Variants in SH3D19 observed in about 807,000 individuals in gnomAD.
SH3D19 encodes the protein SH3 domain-containing protein 19.
In SH3D19, 58 loss-of-function variants were observed where a neutral mutation model predicts 112.1. That is an observed-to-expected ratio of 0.52 (90% CI 0.42 to 0.64). SH3D19 has a LOEUF of 0.64. Ranked by LOEUF, SH3D19 falls within the 30% of genes least tolerant of loss-of-function variation. The pLI is 0.00. For missense variants in SH3D19, 1,090 were observed against 1,263.4 expected, an observed-to-expected ratio of 0.86 and a Z score of 2.08; for synonymous variants, 391 against 448.5, an observed-to-expected ratio of 0.87 and a Z score of 1.62.
At chr4:151,125,863 A>G (rs888050558) in intron 19 of SH3D19, among the ~76,000 whole-genome samples, 2 of 151,160 alleles carry the variant, frequency 1.3e-5, no homozygotes, top group African/African-American at 2.4e-5. Context: ...AAAAAAAAAA[A>G]AAAGAAAGGA....
At chr4:151,160,306 C>T (rs566520790) in intron 8 of SH3D19, among the ~76,000 whole-genome samples, 121 of 152,184 alleles carry the variant, frequency 8.0e-4, no homozygotes, top group African/African-American at 2.5e-3. Flanking sequence ...CCAGGATGGT[C>T]TCGATCTCCT....
At position 151,268,539 on chromosome 4, in the gene SH3D19, C is replaced by T. The variant is rs1772987148; in HGVS notation, c.113-42453G>A. On this transcript the variant is annotated intron_variant, in intron 1 of 19. Transcript: ENST00000604030. ...ATGTGCCATGCTGGTGTGCTGCACC[C>T]ATTAACTCGTCATTTAGCATTAGGT... Among the ~76,000 whole-genome samples, 5 of 149,952 alleles carry T rather than the reference C, an allele frequency of 3.3e-5. No homozygotes were observed. The Admixed American group carries it at 3.3e-4, about 10-fold the overall frequency.
intron 1 of SH3D19, chr4:151,282,493 T>C (rs763186329): frequency 2.8e-6 from 4 of 1,436,494 alleles, no homozygotes; most frequent in Non-Finnish European, 3.8e-6. Context: ...GGCATATCCT[T>C]ACCATGGAAA....
chr4:151,180,311 G>T (rs1760647305), intron 3 of SH3D19, among the ~76,000 whole-genome samples: 1 of 151,862 alleles, frequency 6.6e-6, no homozygotes, highest in African/African-American at 2.4e-5. Flanking sequence ...AAGTCCTTAA[G>T]CTTGATAGTT....
intron 1 of SH3D19, among the ~76,000 whole-genome samples, chr4:151,322,061 A>G (rs1026524404): frequency 6.6e-6 from 1 of 152,226 alleles, no homozygotes; most frequent in Non-Finnish European, 1.5e-5. Context: ...CCTTAGCCTC[A>G]GCACATGAAA....
intron 2 of SH3D19, among the ~76,000 whole-genome samples, chr4:151,189,335 G>A (rs540151775): frequency 1.3e-5 from 2 of 151,930 alleles, no homozygotes; most frequent in African/African-American, 2.4e-5. Flanking sequence ...GGATGGTCTC[G>A]ATCTCCTGAC....
At chr4:151,321,305 G>A (rs929738432) in intron 1 of SH3D19, among the ~76,000 whole-genome samples, 3 of 152,042 alleles carry the variant, frequency 2.0e-5, no homozygotes, top group African/African-American at 7.2e-5. Flanking sequence ...GGGAAGAGTT[G>A]GTCACCCAAT....
At chr4:151,136,203 A>G (rs1375917302) in intron 14 of SH3D19, among the ~76,000 whole-genome samples, 1 of 152,202 alleles carries the variant, frequency 6.6e-6, no homozygotes, top group Non-Finnish European at 1.5e-5. Context: ...GCTGGAGTGC[A>G]GTGGCGTGAT....
At chr4:151,239,635 G>A (rs530696435) in intron 1 of SH3D19, among the ~76,000 whole-genome samples, 1 of 152,272 alleles carries the variant, frequency 6.6e-6, no homozygotes, top group African/African-American at 2.4e-5. Context: ...CTACACAAAG[G>A]ATTCCCTTCT....
At chr4:151,277,147 C>G (rs760384416) in intron 1 of SH3D19, 1 of 1,393,886 alleles carries the variant, frequency 7.2e-7, no homozygotes, top group Non-Finnish European at 9.4e-7. Context: ...AAGCAGGAAG[C>G]GCTCACTGGC....
intron 15 of SH3D19, 22 bp from the exon 16 acceptor site, chr4:151,133,258 T>C (rs1375886769): frequency 6.2e-7 from 1 of 1,605,582 alleles, no homozygotes; most frequent in Non-Finnish European, 8.5e-7. Flanking sequence ...ACACATTTTG[T>C]GGATTAGACT....
At chr4:151,165,992 G>A (rs1386089634) in intron 7 of SH3D19, 4 of 234,744 alleles carry the variant, frequency 1.7e-5, no homozygotes, top group Non-Finnish European at 3.3e-5. Flanking sequence ...ATACGTGTCT[G>A]CCTGAAAATG....
intron 19 of SH3D19, among the ~76,000 whole-genome samples, chr4:151,125,036 G>A (rs889554829): frequency 2.0e-5 from 3 of 148,362 alleles, no homozygotes; most frequent in African/African-American, 7.3e-5. Context: ...TGACTCTCAA[G>A]GACTAAGGCA....
At chr4:151,161,619 C>CATATAT (rs1002579947) in intron 8 of SH3D19, among the ~76,000 whole-genome samples, 2 of 144,388 alleles carry the variant, frequency 1.4e-5, no homozygotes, top group South Asian at 2.2e-4. Flanking sequence ...GTCTTTTATA[C>CATATAT]ATATATATAT....
At chr4:151,314,760 T>G (rs1399948761) in intron 1 of SH3D19, among the ~76,000 whole-genome samples, 1 of 152,170 alleles carries the variant, frequency 6.6e-6, no homozygotes, top group African/African-American at 2.4e-5. Context: ...GGTGACTCTA[T>G]CTAATCAGCA....
chr4:151,314,340 G>A (rs535516786), intron 1 of SH3D19, among the ~76,000 whole-genome samples: 2 of 152,218 alleles, frequency 1.3e-5, no homozygotes, highest in African/African-American at 4.8e-5. Flanking sequence ...CCTTCCACTT[G>A]CCCAAGGATG....
intron 7 of SH3D19, chr4:151,170,515 T>G (rs926803799): frequency 6.6e-6 from 1 of 152,148 alleles, no homozygotes; most frequent in Non-Finnish European, 1.5e-5. Context: ...ATATAAAATT[T>G]TGAATTTATC....
chr4:151,303,863 A>G (rs1021626105), intron 1 of SH3D19, among the ~76,000 whole-genome samples: 1 of 152,152 alleles, frequency 6.6e-6, no homozygotes, highest in African/African-American at 2.4e-5. Context: ...TCTTTATAAA[A>G]ACACCTTGAT....
At chr4:151,314,566 A>T (rs191580553) in intron 1 of SH3D19, among the ~76,000 whole-genome samples, 1 of 152,242 alleles carries the variant, frequency 6.6e-6, no homozygotes, top group East Asian at 1.9e-4. Flanking sequence ...TAGGTATCTT[A>T]TAACAAAATG....
Sources: gnomAD v4.1 joint callset for allele counts (sites outside exome capture counted in the v4.1 genomes callset) on GRCh38, gnomAD v4.1.1 for gene constraint, MANE v1.5 for transcripts, NCBI Gene and HGNC (gene_info 2026-07-23, HGNC 2026-07-21) for gene names.